The following EPHB1 variants were observed in gnomAD, a reference collection of about 807,000 sequenced individuals.
EPHB1 encodes EPH receptor B1.
In EPHB1, 30 loss-of-function variants were observed where a neutral mutation model predicts 94.4. The ratio of observed to expected loss-of-function variants is 0.32; its 90% confidence interval spans 0.24 to 0.43. The LOEUF is 0.43. EPHB1 is among the 20% of genes least tolerant of loss of function. The pLI is 1.00. For synonymous variants in EPHB1, 522 were observed against 489.1 expected (o/e 1.07, Z -0.89); for missense variants, 1,055 against 1,308.3 (o/e 0.81, Z 2.99).
chr3:135,209,174 A>G (rs1482160109), intron 12 of EPHB1, among the ~76,000 whole-genome samples: 1 of 152,204 alleles, frequency 6.6e-6, no homozygotes, highest in Non-Finnish European at 1.5e-5. Context: ...CTGTAGAGGA[A>G]AGAATGATGA....
chr3:135,197,994 A>T (rs1351140308), intron 11 of EPHB1, among the ~76,000 whole-genome samples: 2 of 152,186 alleles, frequency 1.3e-5, no homozygotes, highest in African/African-American at 4.8e-5. Context: ...ACATGACCCT[A>T]CATATCTTGA....
chr3:135,193,849 C>T (rs1018883107), intron 11 of EPHB1, among the ~76,000 whole-genome samples: 5 of 152,200 alleles, frequency 3.3e-5, no homozygotes, highest in Admixed American at 1.3e-4. Flanking sequence ...AGTGGCTTAG[C>T]ACAACAACAA....
At chr3:135,205,085 G>A (rs1942866056) in intron 12 of EPHB1, among the ~76,000 whole-genome samples, 1 of 151,730 alleles carries the variant, frequency 6.6e-6, no homozygotes, top group Non-Finnish European at 1.5e-5. Context: ...TTAGCATAAT[G>A]ACCTTCAATT....
At position 135,175,795 on chromosome 3, in the gene EPHB1, C is replaced by T. The variant is rs1941962953; in HGVS notation, c.1760-4065C>T. On this transcript the variant is annotated intron_variant, in intron 9 of 15. Coordinates refer to ENST00000398015, the MANE Select transcript of EPHB1 (RefSeq NM_004441.5). ...ATTATTACTGCCACTAATAATATTT[C>T]CCCAACACTCACAAATCTGAGAACG... Among the ~76,000 whole-genome samples, 5 of 152,176 alleles carry T rather than the reference C, an allele frequency of 3.3e-5. No individual in the cohort carries two copies. The South Asian group carries it at 1.0e-3, about 32-fold the overall frequency.
intron 3 of EPHB1, among the ~76,000 whole-genome samples, chr3:135,067,196 A>T (rs559082685): frequency 1.3e-5 from 2 of 152,040 alleles, no homozygotes; most frequent in Non-Finnish European, 1.5e-5. Flanking sequence ...CTTTCAAGAG[A>T]GCATCAGCTG....
intron 1 of EPHB1, among the ~76,000 whole-genome samples, chr3:134,882,792 T>TTCTTTCTTTCTTTCTC (rs2037777313): frequency 2.8e-5 from 2 of 72,618 alleles, no homozygotes; most frequent in East Asian, 2.7e-4. Flanking sequence ...CTTTCTTTCT[T>TTCTTTCTTTCTTTCTC]TCTTTCTTTC....
At chr3:134,908,454 A>G (rs928183137) in intron 1 of EPHB1, among the ~76,000 whole-genome samples, 1 of 152,046 alleles carries the variant, frequency 6.6e-6, no homozygotes, top group African/African-American at 2.4e-5. Context: ...AGGGAAGGGG[A>G]TTTGTTCCCT....
At chr3:134,833,250 G>A (rs1436235488) in intron 1 of EPHB1, among the ~76,000 whole-genome samples, 1 of 152,160 alleles carries the variant, frequency 6.6e-6, no homozygotes, top group African/African-American at 2.4e-5. Flanking sequence ...GGTCTGCCGG[G>A]GGTGCAACAC....
intron 1 of EPHB1, among the ~76,000 whole-genome samples, chr3:134,808,397 A>T (rs991539546): frequency 5.9e-5 from 9 of 151,962 alleles, no homozygotes; most frequent in Non-Finnish European, 1.0e-4. Flanking sequence ...GCTGAGGGGG[A>T]AGGGCTAGCT....
At chr3:134,856,486 G>A (rs2037121016) in intron 1 of EPHB1, among the ~76,000 whole-genome samples, 1 of 152,178 alleles carries the variant, frequency 6.6e-6, no homozygotes, top group Non-Finnish European at 1.5e-5. Flanking sequence ...TTTTTCATGG[G>A]AAGGAATGGA....
chr3:135,056,575 C>T (rs1937356639), intron 3 of EPHB1, among the ~76,000 whole-genome samples: 1 of 152,238 alleles, frequency 6.6e-6, no homozygotes, highest in Non-Finnish European at 1.5e-5. Flanking sequence ...TAGGGCACTT[C>T]TGAGCAAAGG....
At chr3:135,242,206 AG>A (rs1247846964) in intron 13 of EPHB1, among the ~76,000 whole-genome samples, 1 of 152,174 alleles carries the variant, frequency 6.6e-6, no homozygotes, top group Non-Finnish European at 1.5e-5. Context: ...TGGAGCTGAG[AG>A]GATTACAATT....
At chr3:135,086,401 C>G (rs1043223608) in intron 3 of EPHB1, among the ~76,000 whole-genome samples, 2 of 151,772 alleles carry the variant, frequency 1.3e-5, no homozygotes, top group Non-Finnish European at 2.9e-5. Flanking sequence ...AGTTCGACAT[C>G]GTGCCCCACT....
At chr3:135,043,601 A>G (rs1936915494) in intron 3 of EPHB1, among the ~76,000 whole-genome samples, 1 of 152,132 alleles carries the variant, frequency 6.6e-6, no homozygotes, top group South Asian at 2.1e-4. Flanking sequence ...CTGTCAGGTA[A>G]TCACCTGTCT....
intron 3 of EPHB1, among the ~76,000 whole-genome samples, chr3:134,982,908 G>A (rs1025749116): frequency 2.0e-5 from 3 of 152,106 alleles, no homozygotes; most frequent in African/African-American, 4.8e-5. Context: ...ACAACAGTCA[G>A]TGAGGCCTGA....
At chr3:135,122,972 A>G (rs981751432) in intron 4 of EPHB1, among the ~76,000 whole-genome samples, 20 of 152,316 alleles carry the variant, frequency 1.3e-4, no homozygotes, top group Middle Eastern at 3.4e-3. Context: ...TCCTGGAATC[A>G]TGGTTGTTCT....
At chr3:135,091,171 A>G (rs886069131) in intron 3 of EPHB1, among the ~76,000 whole-genome samples, 1 of 152,210 alleles carries the variant, frequency 6.6e-6, no homozygotes, top group African/African-American at 2.4e-5. Flanking sequence ...GAGGCTGTGC[A>G]GTGGGACCAA....
chr3:135,107,045 A>G (rs576476540), intron 4 of EPHB1, among the ~76,000 whole-genome samples: 1 of 152,254 alleles, frequency 6.6e-6, no homozygotes, highest in Admixed American at 6.5e-5. Flanking sequence ...TTAATTGTTC[A>G]GTCATTCTGT....
At chr3:134,863,123 G>A (rs2037302252) in intron 1 of EPHB1, among the ~76,000 whole-genome samples, 6 of 152,192 alleles carry the variant, frequency 3.9e-5, no homozygotes, top group Admixed American at 3.9e-4. Context: ...TGCACACACT[G>A]TGCACACTGC....
Sources: gnomAD v4.1 joint callset for allele counts (sites outside exome capture counted in the v4.1 genomes callset) on GRCh38, gnomAD v4.1.1 for gene constraint, MANE v1.5 for transcripts, NCBI Gene and HGNC (gene_info 2026-07-23, HGNC 2026-07-21) for gene names.